Variants in NEBL observed in about 807,000 individuals in gnomAD.
NEBL encodes nebulette, also known as LIM and SH3 protein 2.
Under a neutral mutation model 140.2 loss-of-function variants are expected in NEBL, and 122 were observed. That is an observed-to-expected ratio of 0.87 (90% CI 0.75 to 1.01). The LOEUF (loss-of-function observed/expected upper bound fraction) is 1.01. NEBL is among the 50% of genes least tolerant of loss of function. NEBL has a pLI of 0.00. For synonymous variants in NEBL, 436 were observed against 398.9 expected (o/e 1.09, Z -1.11); for missense variants, 1,365 against 1,231.3 (o/e 1.11, Z -1.62).
intron 4 of NEBL, among the ~76,000 whole-genome samples, chr10:20,911,078 T>A (rs957114321): frequency 6.6e-6 from 1 of 151,966 alleles, no homozygotes; most frequent in Non-Finnish European, 1.5e-5. Context: ...GTGGGAGAAT[T>A]GCTTGAGCCT....
At chr10:21,227,694 T>TCTTCTTCTTCTTTCTC (rs1842175430) in intron 3 of NEBL, among the ~76,000 whole-genome samples, 1 of 90,044 alleles carries the variant, frequency 1.1e-5, no homozygotes, top group Non-Finnish European at 2.1e-5. Context: ...TTCTTCTTCT[T>TCTTCTTCTTCTTTCTC]CTTCTTCTTC....
chr10:20,988,076 A>G, intron 3 of NEBL, among the ~76,000 whole-genome samples: 1 of 151,466 alleles, frequency 6.6e-6, no homozygotes, highest in East Asian at 1.9e-4. Context: ...ATCCTCAAAT[A>G]CTCTCCCCTT....
intron 4 of NEBL, among the ~76,000 whole-genome samples, chr10:20,936,338 G>A (rs1224675051): frequency 6.6e-6 from 1 of 152,088 alleles, no homozygotes; most frequent in Non-Finnish European, 1.5e-5. Context: ...ATAAAAAAAA[G>A]ATGTGGGCAT....
At chr10:21,290,048 G>A (rs1391343749) in intron 1 of NEBL, among the ~76,000 whole-genome samples, 1 of 152,164 alleles carries the variant, frequency 6.6e-6, no homozygotes, top group Non-Finnish European at 1.5e-5. Context: ...TGTTATGGGT[G>A]TTTTATAAAT....
rs191536748 is a variant in NEBL at position 20,851,677 on chromosome 10, C to T, written c.1008+868G>A. Among the ~76,000 whole-genome samples, 495 of 151,408 alleles carry T rather than the reference C, an allele frequency of 3.3e-3. 7 individuals carry two copies. Among genetic ancestry groups the T allele is most frequent in the African/African-American group, 0.011 (471 of 41,232 alleles). On this transcript the variant is annotated intron_variant, in intron 10 of 27. Transcript: ENST00000377122. Reference sequence around the variant, plus strand: ...GCATGCACCTGTAATCTCTGCTACTCGGGAGGCTGAGGCAGGAGAATCGCT... The same window carrying T: ...GCATGCACCTGTAATCTCTGCTACTTGGGAGGCTGAGGCAGGAGAATCGCT...
chr10:20,935,207 T>C (rs1038741040), intron 4 of NEBL, among the ~76,000 whole-genome samples: 1 of 152,108 alleles, frequency 6.6e-6, no homozygotes, highest in Non-Finnish European at 1.5e-5. Context: ...GCATCCACCA[T>C]CTCCTCTCAG....
At chr10:21,031,052 A>G (rs1833757739) in intron 2 of NEBL, among the ~76,000 whole-genome samples, 1 of 152,268 alleles carries the variant, frequency 6.6e-6, no homozygotes, top group South Asian at 2.1e-4. Context: ...ACAGAGTAGT[A>G]GAAAGAATGA....
Position 20,785,783 on chromosome 10 carries a change from T to C in NEBL, c.3009A>G (p.Gly1003=), listed in dbSNP as rs767597317. 2 of 1,613,986 alleles carry C rather than the reference T, an allele frequency of 1.2e-6. No individual in the cohort carries two copies. The highest frequency in any genetic ancestry group is 1.7e-6 in the Non-Finnish European group (2 of 1,179,916). Residue 1003 remains glycine, a synonymous_variant, in exon 28 of 28, where the codon GGA becomes GGG. Coordinates refer to ENST00000377122, the MANE Select transcript of NEBL (RefSeq NM_006393.3). The part of the protein sequence containing the change: ...YGTVQRTGRT[G]MLPANYIEFV... Reference sequence around the variant, plus strand: ...ACTCAATGTAATTCGCTGGGAGCATTCCTGTTCTCCCTGTTCTCTGCACTG... The same window carrying C: ...ACTCAATGTAATTCGCTGGGAGCATCCCTGTTCTCCCTGTTCTCTGCACTG...
At position 20,868,632 on chromosome 10, in the gene NEBL, A is replaced by C. The variant is rs371911969; in HGVS notation, c.684+32T>G. 87 of 1,384,274 alleles carry C rather than the reference A, an allele frequency of 6.3e-5. 1 individual carries two copies. The African/African-American group carries it at 1.1e-3, about 17-fold the overall frequency. The allele number at this position is 1,384,274 out of a possible 1,614,324, so 85.7% of individuals were successfully genotyped here. ...CTGTTAGAAACAAAATATCTGAATAAAGTCATTGTGGAATCATCACTAAAG... is the reference window on the plus strand; with the variant it reads ...CTGTTAGAAACAAAATATCTGAATACAGTCATTGTGGAATCATCACTAAAG... On this transcript the variant is annotated intron_variant, in intron 7 of 27. Transcript: ENST00000377122.
At chr10:21,277,035 A>T (rs894447942) in intron 1 of NEBL, among the ~76,000 whole-genome samples, 1 of 151,886 alleles carries the variant, frequency 6.6e-6, no homozygotes, top group Non-Finnish European at 1.5e-5. Context: ...AGGCTGAGGT[A>T]GAAGGTTCAC....
rs967421212 is a variant in NEBL at position 20,897,158 on chromosome 10, T to C, written c.48A>G (p.Glu16=). Residue 16 remains glutamate (E), a synonymous_variant, in exon 1 of 28, where the codon GAA becomes GAG. Coordinates refer to ENST00000377122, the MANE Select transcript of NEBL (RefSeq NM_006393.3). The stretch of plus-strand genomic sequence containing the variant: ...CTTCATTTTCTTCTTCCCCTATCTT[T>C]TCTTCTTCAGTTTCATCTTTTATAT... ...FEDIKDETEE[E]KIGEEENEED... 3 of 1,606,788 alleles carry C rather than the reference T, an allele frequency of 1.9e-6. No homozygotes were observed. The highest frequency in any genetic ancestry group is 2.6e-6 in the Non-Finnish European group (3 of 1,173,618).
intron 4 of NEBL, among the ~76,000 whole-genome samples, chr10:20,917,890 T>C (rs1833385385): frequency 6.6e-6 from 1 of 152,190 alleles, no homozygotes; most frequent in Admixed American, 6.5e-5. Context: ...GTCATTTAAT[T>C]GTGTTAAAAG....
At chr10:21,149,274 A>T (rs1840043426) in intron 2 of NEBL, among the ~76,000 whole-genome samples, 1 of 151,948 alleles carries the variant, frequency 6.6e-6, no homozygotes, top group South Asian at 2.1e-4. Context: ...CGTCGTCGGT[A>T]TCCTTTGCAA....
intron 3 of NEBL, among the ~76,000 whole-genome samples, chr10:20,980,279 C>T (rs1836980987): frequency 6.7e-6 from 1 of 148,390 alleles, no homozygotes; most frequent in African/African-American, 2.5e-5. Context: ...CTGGTGGTCA[C>T]AAAGAAAAGT....
chr10:20,965,722 G>C (rs74896090), intron 3 of NEBL, among the ~76,000 whole-genome samples: 1 of 152,328 alleles, frequency 6.6e-6, no homozygotes, highest in African/African-American at 2.4e-5. Flanking sequence ...CTCCTTGGAA[G>C]TGTGCAGGAC....
intron 3 of NEBL, among the ~76,000 whole-genome samples, chr10:21,222,152 T>C (rs1842077524): frequency 6.6e-6 from 1 of 152,020 alleles, no homozygotes; most frequent in Non-Finnish European, 1.5e-5. Context: ...TTTCAAAAAG[T>C]TTAGTGATTT....
chr10:21,163,122 T>C (rs935122260), intron 2 of NEBL, among the ~76,000 whole-genome samples: 2 of 152,132 alleles, frequency 1.3e-5, no homozygotes, highest in Non-Finnish European at 2.9e-5. Context: ...AGCAGCCCAG[T>C]GTGGCTGGAG....
intron 2 of NEBL, among the ~76,000 whole-genome samples, chr10:21,091,260 G>A (rs1836898969): frequency 6.6e-6 from 1 of 152,146 alleles, no homozygotes; most frequent in African/African-American, 2.4e-5. Context: ...GCCGGAGGTT[G>A]CCCCTTATGA....
chr10:21,235,507 G>T (rs1842336204), intron 3 of NEBL, among the ~76,000 whole-genome samples: 1 of 152,098 alleles, frequency 6.6e-6, no homozygotes, highest in Non-Finnish European at 1.5e-5. Flanking sequence ...TAGAGACAGG[G>T]TTTCGCCATT....
Sources: gnomAD v4.1 joint callset for allele counts (sites outside exome capture counted in the v4.1 genomes callset) on GRCh38, gnomAD v4.1.1 for gene constraint, MANE v1.5 for transcripts, NCBI Gene and HGNC (gene_info 2026-07-23, HGNC 2026-07-21) for gene names.